ST6GALNAC6: variants seen among roughly 807,000 people sequenced by gnomAD.
ST6GALNAC6 encodes the protein ST6 N-acetylgalactosaminide alpha-2,6-sialyltransferase 6.
A neutral mutation model predicts 34.3 loss-of-function variants in ST6GALNAC6; 19 were observed. That is an observed-to-expected ratio of 0.55 (90% CI 0.39 to 0.81). The LOEUF (loss-of-function observed/expected upper bound fraction) is 0.81, where lower values mean the gene tolerates loss of function less well. Ranked by LOEUF, ST6GALNAC6 falls within the 40% of genes least tolerant of loss-of-function variation. The pLI is 0.00. For synonymous variants in ST6GALNAC6, 185 were observed against 182.1 expected (o/e 1.02, Z -0.13); for missense variants, 377 against 467.7 (o/e 0.81, Z 1.79).
chr9:127,895,109 C>T (rs2131544876), intron 3 of ST6GALNAC6, among the ~76,000 whole-genome samples: 1 of 152,322 alleles, frequency 6.6e-6, no homozygotes, highest in South Asian at 2.1e-4. Context: ...AGTAACTCTC[C>T]AATGTATTGC....
At chr9:127,892,019 C>T (rs542668704) in intron 4 of ST6GALNAC6, among the ~76,000 whole-genome samples, 7 of 152,268 alleles carry the variant, frequency 4.6e-5, no homozygotes, top group South Asian at 4.1e-4. Flanking sequence ...GGTGTGGTGG[C>T]GCATGCCTGT....
intron 6 of ST6GALNAC6, 119 bp from the exon 7 acceptor site, chr9:127,886,907 C>G: frequency 2.0e-6 from 2 of 1,008,676 alleles, no homozygotes; most frequent in Non-Finnish European, 2.8e-6. Context: ...CTCCTGGGGC[C>G]TCGGTTTCCC....
At chr9:127,900,560 C>CAAAAA (rs71380101), upstream of ST6GALNAC6, among the ~76,000 whole-genome samples, 47 of 44,182 alleles carry the variant, frequency 1.1e-3, 5 homozygotes, top group East Asian at 4.9e-3. Context: ...AACTCCGTCT[C>CAAAAA]AAAAAAAAAA....
At chr9:127,897,372 G>C (rs764289464) in intron 2 of ST6GALNAC6, 3 of 985,832 alleles carry the variant, frequency 3.0e-6, no homozygotes, top group Non-Finnish European at 3.6e-6. Context: ...CTTTGACCTA[G>C]CCGCTGTTTA....
chr9:127,889,600 C>T (rs186832386), intron 5 of ST6GALNAC6, among the ~76,000 whole-genome samples: 90 of 151,980 alleles, frequency 5.9e-4, no homozygotes, highest in African/African-American at 1.5e-3. Context: ...CGCACCACCA[C>T]GCCCAGCTAA....
chr9:127,886,287 G>C lies in ST6GALNAC6; in HGVS notation c.*312C>G, dbSNP rs1832185115. Reference sequence around the variant, plus strand: ...GTCCATTCCTGGGGCTCTGAACCAAGGCCTCATGGGAAAGGACATGTCCTT... The same window carrying C: ...GTCCATTCCTGGGGCTCTGAACCAACGCCTCATGGGAAAGGACATGTCCTT... On this transcript the variant is annotated 3_prime_UTR_variant, in exon 7 of 7. Transcript: ENST00000373146. 3 of 581,734 alleles carry C rather than the reference G, an allele frequency of 5.2e-6. No homozygotes were observed. Among genetic ancestry groups the C allele is most frequent in the Non-Finnish European group, 5.4e-6 (2 of 370,946 alleles). The allele number at this position is 581,734 out of a possible 1,614,324, so 36.0% of individuals were successfully genotyped here.
Position 127,886,706 on chromosome 9 carries a change from C to T in ST6GALNAC6, c.895G>A (p.Glu299Lys), listed in dbSNP as rs1829778706. 6.2e-7 allele frequency: 1 copy of T among 1,614,028 alleles called. No individual in the cohort carries two copies. The highest frequency in any genetic ancestry group is 8.5e-7 in the Non-Finnish European group (1 of 1,180,020). Residue 299 changes from glutamate to lysine, a missense_variant, in exon 7 of 7, where the codon GAG becomes AAG. Glu to Lys is a moderately conservative substitution (Grantham distance 56). Coordinates refer to ENST00000373146, the MANE Select transcript of ST6GALNAC6 (RefSeq NM_013443.5). ...TGGTGGTTGCCCTTGCGACTGTGCT[C>T]ATTCTGGATGTAGGTGACACATTCG... Reference protein sequence around the residue: ...PDECVTYIQNEHSRKGNHHRF... With the variant: ...PDECVTYIQNKHSRKGNHHRF...
upstream of ST6GALNAC6, among the ~76,000 whole-genome samples, chr9:127,900,001 G>T (rs1280032171): frequency 6.6e-6 from 1 of 152,220 alleles, no homozygotes; most frequent in African/African-American, 2.4e-5. Context: ...CAAACTTAGG[G>T]TTCACCCTCA....
At chr9:127,900,529 C>T (rs550073576), upstream of ST6GALNAC6, among the ~76,000 whole-genome samples, 549 of 119,998 alleles carry the variant, frequency 4.6e-3, 5 homozygotes, top group Non-Finnish European at 5.4e-3. Flanking sequence ...CATTGCACTC[C>T]AGCCTGGGCA....
chr9:127,899,504 TC>T lies in ST6GALNAC6; in HGVS notation c.-32del, dbSNP rs1402565412. The T allele has an allele frequency of 1.5e-5, 15 of 976,356 alleles. No individual in the cohort carries two copies. In the African/African-American group the frequency reaches 2.7e-4, roughly 17 times the overall value. The allele number at this position is 976,356 out of a possible 1,614,324, so 60.5% of individuals were successfully genotyped here. On this transcript the variant is annotated splice_region_variant and 5_prime_UTR_variant, in exon 1 of 7. Transcript: ENST00000373146. ...TGCTCCCGCGCGGCGCCTGCTCACC[TC>T]CGGCGGGGAGCGCCCGGCCCCCCGC...
chr9:127,889,475 G>A (rs1390792388), intron 5 of ST6GALNAC6, among the ~76,000 whole-genome samples: 7 of 140,676 alleles, frequency 5.0e-5, no homozygotes, highest in Admixed American at 2.2e-4. Flanking sequence ...ATGGAGTCTC[G>A]CCTTGTGGCC....
chr9:127,888,504 CA>C (rs143037868), intron 5 of ST6GALNAC6, among the ~76,000 whole-genome samples: 240 of 59,564 alleles, frequency 4.0e-3, no homozygotes, highest in East Asian at 9.3e-3. Flanking sequence ...ACTCCTTCTC[CA>C]AAAAAAAAAA....
intron 4 of ST6GALNAC6, among the ~76,000 whole-genome samples, chr9:127,891,831 C>T (rs143949880): frequency 2.0e-5 from 3 of 150,892 alleles, no homozygotes; most frequent in Non-Finnish European, 3.0e-5. Context: ...GACCAAAGAG[C>T]GACTGCAGCC....
intron 3 of ST6GALNAC6, among the ~76,000 whole-genome samples, chr9:127,894,915 G>A (rs1830360259): frequency 1.3e-5 from 2 of 152,210 alleles, no homozygotes; most frequent in Admixed American, 6.5e-5. Flanking sequence ...TGAGCTCTGG[G>A]ACTAGGTCAG....
Position 127,886,483 on chromosome 9 carries a change from A to T in ST6GALNAC6, c.*116T>A. 6.7e-7 allele frequency: 1 copy of T among 1,490,138 alleles called. No individual in the cohort carries two copies. Among genetic ancestry groups the T allele is most frequent in the Non-Finnish European group, 8.9e-7 (1 of 1,119,834 alleles). 92.3% of individuals were successfully genotyped at this position (1,490,138 alleles called of 1,614,324 possible). On this transcript the variant is annotated 3_prime_UTR_variant, in exon 7 of 7. Coordinates refer to ENST00000373146, the MANE Select transcript of ST6GALNAC6 (RefSeq NM_013443.5). ...AGGATACATCCTCCTCAAGGCCCTGATTGGCTGGGAGACACTCCAGCAAGC... is the reference window on the plus strand; with the variant it reads ...AGGATACATCCTCCTCAAGGCCCTGTTTGGCTGGGAGACACTCCAGCAAGC...
intron 4 of ST6GALNAC6, among the ~76,000 whole-genome samples, chr9:127,891,395 C>A (rs948642604): frequency 1.3e-5 from 2 of 151,990 alleles, no homozygotes; most frequent in Non-Finnish European, 2.9e-5. Flanking sequence ...GCAGGCGGAT[C>A]ACCTGAGGTC....
chr9:127,891,353 T>C (rs1297898655), intron 4 of ST6GALNAC6, among the ~76,000 whole-genome samples: 2 of 152,128 alleles, frequency 1.3e-5, no homozygotes, highest in Admixed American at 1.3e-4. Context: ...TTGTAGCTCA[T>C]GCCTGTAATC....
chr9:127,901,793 T>C (rs1830768960), upstream of ST6GALNAC6, among the ~76,000 whole-genome samples: 1 of 151,444 alleles, frequency 6.6e-6, no homozygotes, highest in Non-Finnish European at 1.5e-5. Context: ...ATTAGCCAGG[T>C]GTGGTGGTGC....
At chr9:127,894,965 T>C (rs1830364332) in intron 3 of ST6GALNAC6, among the ~76,000 whole-genome samples, 1 of 152,226 alleles carries the variant, frequency 6.6e-6, no homozygotes, top group Admixed American at 6.5e-5. Flanking sequence ...GGGCAGGGCC[T>C]GGAACATGGA....
Sources: gnomAD v4.1 joint callset for allele counts (sites outside exome capture counted in the v4.1 genomes callset) on GRCh38, gnomAD v4.1.1 for gene constraint, MANE v1.5 for transcripts, NCBI Gene and HGNC (gene_info 2026-07-23, HGNC 2026-07-21) for gene names.